The following UBQLN4 variants were observed in gnomAD, a reference collection of about 807,000 sequenced individuals.
UBQLN4 encodes ubiquilin-4.
UBQLN4 carries 11 observed loss-of-function variants against 60.4 expected under a neutral mutation model. That is an observed-to-expected ratio of 0.18 (90% confidence interval 0.11 to 0.30). The LOEUF (loss-of-function observed/expected upper bound fraction) is 0.30, where lower values mean the gene tolerates loss of function less well. UBQLN4 is among the 10% of genes least tolerant of loss of function. UBQLN4 has a pLI of 1.00. For missense variants in UBQLN4, 417 were observed against 795.5 expected (o/e 0.52, Z 5.72); for synonymous variants, 258 against 313.1 (o/e 0.82, Z 1.86).
chr1:156,049,291 G>A (rs538826705), intron 4 of UBQLN4, among the ~76,000 whole-genome samples: 4 of 152,148 alleles, frequency 2.6e-5, no homozygotes, highest in Admixed American at 6.5e-5. Context: ...GAAGGAAAGC[G>A]TTCAAGCTGG....
intron 4 of UBQLN4, among the ~76,000 whole-genome samples, chr1:156,049,771 C>T (rs1683815947): frequency 6.6e-6 from 1 of 152,332 alleles, no homozygotes. Flanking sequence ...TCTGGTGGAG[C>T]GGACCATGAG....
intron 5 of UBQLN4, among the ~76,000 whole-genome samples, chr1:156,044,658 CT>C (rs1278600832): frequency 6.6e-6 from 1 of 152,114 alleles, no homozygotes; most frequent in Non-Finnish European, 1.5e-5. Flanking sequence ...TAACTACTGG[CT>C]TAATGGGAGT....
In UBQLN4 at chr1:156,040,522, T is replaced by C. The variant is rs1165905122; in HGVS notation, c.1653+963A>G. ...GTGCAGTGGCGCCATCTTGGCTCAC[T>C]GCAAGCTCCACCTCCCGAGTTCACC... On this transcript the variant is annotated intron_variant, in intron 10 of 10. Transcript: ENST00000368309. 1.2e-4 allele frequency among the ~76,000 whole-genome samples: 17 copies of C among 143,938 alleles called. No homozygotes were observed. The Admixed American group carries it at 1.2e-3, about 11-fold the overall frequency. The allele number at this position is 143,938 out of a possible 152,430, so 94.4% of individuals were successfully genotyped here. A position where few individuals can be genotyped will look rare whatever the true frequency, so the allele number is the denominator to read the frequency against.
Position 156,041,533 on chromosome 1 carries a change from T to C in UBQLN4, c.1605A>G (p.Gln535=), listed in dbSNP as rs753556225. The C allele has an allele frequency of 3.1e-6, 5 of 1,611,518 alleles. No homozygotes were observed. Among genetic ancestry groups the C allele is most frequent in the South Asian group, 1.1e-5 (1 of 90,780 alleles). The change falls in exon 10 of 11, where the codon CAA becomes CAG. Residue 535 remains glutamine (Q), a synonymous_variant. Transcript: ENST00000368309. ...SPTGASSAQQ[Q]LMQQMIQLLA... ...AAAGCTGGATCATCTGCTGCATGAG[T>C]TGCTGCTGGGCGCTGGAAGCCCCTG...
intron 1 of UBQLN4, 78 bp from the exon 2 acceptor site, chr1:156,051,935 C>T: frequency 1.3e-6 from 2 of 1,563,888 alleles, no homozygotes; most frequent in South Asian, 1.1e-5. Context: ...TTTTCAACAC[C>T]TTCTGCACTC....
intron 4 of UBQLN4, among the ~76,000 whole-genome samples, chr1:156,049,725 C>T (rs1683814477): frequency 6.6e-6 from 1 of 152,238 alleles, no homozygotes; most frequent in African/African-American, 2.4e-5. Context: ...GCACTGGTGT[C>T]CACAGCCCTG....
downstream of UBQLN4, among the ~76,000 whole-genome samples, chr1:156,034,865 A>ATATATG (rs1683362607): frequency 1.4e-5 from 1 of 73,058 alleles, no homozygotes; most frequent in Admixed American, 1.6e-4. Flanking sequence ...ATATATATAT[A>ATATATG]TATATAATTT....
At chr1:156,051,886 G>T in intron 1 of UBQLN4, 29 bp from the exon 2 acceptor site, 1 of 1,612,564 alleles carries the variant, frequency 6.2e-7, no homozygotes, top group Non-Finnish European at 8.5e-7. Context: ...GGTCACTGTG[G>T]AGGCTGCCTG....
chr1:156,046,187 T>A (rs954019282), intron 5 of UBQLN4, among the ~76,000 whole-genome samples: 2 of 151,928 alleles, frequency 1.3e-5, no homozygotes, highest in African/African-American at 4.8e-5. Context: ...ACAAATATTT[T>A]AAAAGTTTGT....
At position 156,036,370 on chromosome 1, in the gene UBQLN4, T is replaced by G. The variant is rs1683404594; in HGVS notation, c.*608A>C. On this transcript the variant is annotated 3_prime_UTR_variant, in exon 11 of 11. Coordinates refer to ENST00000368309, the MANE Select transcript of UBQLN4 (RefSeq NM_020131.5). ...TCCAGAGAGCTGTCTCATCTCCCTC[T>G]TCAGACAGGGAGAACAGGCATCTTC... 7 of 985,724 alleles carry G rather than the reference T, an allele frequency of 7.1e-6. No homozygotes were observed. Among genetic ancestry groups the G allele is most frequent in the Non-Finnish European group, 8.4e-6 (7 of 830,068 alleles). 61.1% of individuals were successfully genotyped at this position (985,724 alleles called of 1,614,324 possible).
At chr1:156,035,221 G>C (rs997399759), downstream of UBQLN4, 1 of 977,668 alleles carries the variant, frequency 1.0e-6, no homozygotes. Flanking sequence ...AATTCCTCTA[G>C]ATCACAACTC....
intron 10 of UBQLN4, among the ~76,000 whole-genome samples, chr1:156,040,441 A>ATTTTT (rs112995184): frequency 4.6e-5 from 5 of 109,010 alleles, no homozygotes; most frequent in Non-Finnish European, 9.0e-5. Context: ...CAGTCCACAC[A>ATTTTT]TTTTTTTTTT....
In UBQLN4 at chr1:156,044,115, G is replaced by C. The variant is rs773919483; in HGVS notation, c.1009C>G (p.Pro337Ala). 1.9e-6 allele frequency: 3 copies of C among 1,587,616 alleles called. No individual in the cohort carries two copies. The highest frequency in any genetic ancestry group is 1.3e-5 in the African/African-American group (1 of 74,514). The change falls in exon 6 of 11, where the codon CCC becomes GCC. Residue 337 changes from proline (P) to alanine (A), a missense_variant. Transcript: ENST00000368309. ...EPLPNPWSPSPPTSQAPGSGG... is the reference protein window; with the variant it reads ...EPLPNPWSPSAPTSQAPGSGG... ...GACCCGGGGGCCTGGGAGGTGGGGGGCGAGGGGCTCCAGGGGTTAGGGAGG... is the reference window on the plus strand; with the variant it reads ...GACCCGGGGGCCTGGGAGGTGGGGGCCGAGGGGCTCCAGGGGTTAGGGAGG...
Position 156,042,216 on chromosome 1 carries a change from G to A in UBQLN4, c.1287C>T (p.Leu429=), listed in dbSNP as rs959996395. Residue 429 remains leucine (L), a synonymous_variant, in exon 8 of 11, where the codon CTC becomes CTT. Transcript: ENST00000368309. Reference sequence around the variant, plus strand: ...CCTGCAGTTGGGGGTTCCCCGCGAAGAGCGGCACATTCACCATCATCTGCC... The same window carrying A: ...CCTGCAGTTGGGGGTTCCCCGCGAAAAGCGGCACATTCACCATCATCTGCC... ...FAAQMMVNVP[L]FAGNPQLQEQ... The A allele has an allele frequency of 2.1e-5, 33 of 1,602,956 alleles. No homozygotes were observed. The Admixed American group carries it at 5.6e-4, about 27-fold the overall frequency.
intron 1 of UBQLN4, 22 bp from the exon 2 acceptor site, chr1:156,051,879 C>A: frequency 6.2e-7 from 1 of 1,613,324 alleles, no homozygotes; most frequent in Non-Finnish European, 8.5e-7. Context: ...AGGCAGAGGT[C>A]ACTGTGGAGG....
chr1:156,047,242 A>G (rs907128613), intron 5 of UBQLN4, among the ~76,000 whole-genome samples: 4 of 133,756 alleles, frequency 3.0e-5, no homozygotes, highest in Non-Finnish European at 4.9e-5. Context: ...TAACTTGTGA[A>G]TTTTTTTTTT....
At chr1:156,043,582 T>G (rs1219863100) in intron 6 of UBQLN4, among the ~76,000 whole-genome samples, 2 of 152,092 alleles carry the variant, frequency 1.3e-5, no homozygotes, top group African/African-American at 4.8e-5. Flanking sequence ...AAATGGAGCA[T>G]CCTCTAGGGT....
chr1:156,051,587 C>G (rs954995470), intron 2 of UBQLN4, 119 bp downstream of exon 2: 1 of 1,443,716 alleles, frequency 6.9e-7, no homozygotes, highest in African/African-American at 1.4e-5. Context: ...CATATTCATC[C>G]AGGAGCTACC....
At chr1:156,052,512 C>T (rs980622911) in intron 1 of UBQLN4, among the ~76,000 whole-genome samples, 3 of 152,178 alleles carry the variant, frequency 2.0e-5, no homozygotes, top group Admixed American at 6.5e-5. Context: ...TTAGTAGAGA[C>T]GGGGTTTCAC....
Sources: allele counts gnomAD v4.1 joint callset (sites outside exome capture counted in the v4.1 genomes callset), GRCh38; gene constraint gnomAD v4.1.1; transcripts MANE v1.5; gene names NCBI Gene and HGNC (gene_info 2026-07-23, HGNC 2026-07-21).